Variants in LYRM4 observed in about 807,000 individuals in gnomAD.
The protein encoded by LYRM4 is LYR motif containing 4.
Under a neutral mutation model 11.7 loss-of-function variants are expected in LYRM4, and 9 were observed. The observed-to-expected ratio is 0.77, with a 90% CI of 0.46 to 1.34. The LOEUF (loss-of-function observed/expected upper bound fraction) is 1.34, where lower values mean the gene tolerates loss of function less well. Ranked by LOEUF, LYRM4 falls within the 40% of genes most tolerant of loss-of-function variation. The pLI, the probability that LYRM4 is intolerant of heterozygous loss-of-function variation, is 0.00. For synonymous variants in LYRM4, 42 were observed against 40.4 expected (o/e 1.04, Z -0.15); for missense variants, 133 against 112.5 (o/e 1.18, Z -0.82).
At chr6:5,184,939 G>GGGTCA (rs766312000) in intron 2 of LYRM4, among the ~76,000 whole-genome samples, 8 of 152,194 alleles carry the variant, frequency 5.3e-5, no homozygotes, top group Non-Finnish European at 1.0e-4. Flanking sequence ...CCCAAGCACA[G>GGGTCA]GGTCAGGGTC....
At chr6:5,077,913 C>T in the LYRM4 span, among the ~76,000 whole-genome samples, 3 of 152,272 alleles carry the variant, frequency 2.0e-5, no homozygotes, top group Admixed American at 1.3e-4. Flanking sequence ...GATGATTCTA[C>T]AACTTTCCTC....
At chr6:5,162,967 C>T (rs561776388) in intron 2 of LYRM4, among the ~76,000 whole-genome samples, 15 of 152,118 alleles carry the variant, frequency 9.9e-5, no homozygotes, top group African/African-American at 2.7e-4. Context: ...TTAAAAAAAT[C>T]GATTTGTAGG....
intron 1 of LYRM4, among the ~76,000 whole-genome samples, chr6:5,224,085 C>A (rs1049675827): frequency 1.3e-5 from 2 of 152,362 alleles, no homozygotes; most frequent in South Asian, 2.1e-4. Context: ...TATTTCTCCA[C>A]ACATGGAGCG....
At chr6:5,186,277 A>G (rs1760385898) in intron 2 of LYRM4, among the ~76,000 whole-genome samples, 1 of 152,120 alleles carries the variant, frequency 6.6e-6, no homozygotes, top group South Asian at 2.1e-4. Flanking sequence ...GGTTTAGGAG[A>G]GCAGACAGCT....
intron 1 of LYRM4, among the ~76,000 whole-genome samples, chr6:5,229,424 T>C (rs1268174494): frequency 6.6e-6 from 1 of 152,182 alleles, no homozygotes; most frequent in Non-Finnish European, 1.5e-5. Flanking sequence ...GGCAGACGTC[T>C]GATTACATCC....
chr6:5,093,074 T>C, the LYRM4 span, among the ~76,000 whole-genome samples: 4 of 152,194 alleles, frequency 2.6e-5, no homozygotes, highest in African/African-American at 9.7e-5. Context: ...AATAACTTAG[T>C]ACACATTTAG....
In LYRM4 at chr6:5,245,098, A is replaced by T. The variant is rs1423307158; in HGVS notation, c.86+15550T>A. Among the ~76,000 whole-genome samples the T allele has an allele frequency of 4.8e-3, 206 of 43,244 alleles. 19 individuals are homozygous for T. The highest frequency in any genetic ancestry group is 0.011 in the African/African-American group (108 of 9,624). The allele number at this position is 43,244 out of a possible 152,430, so 28.4% of individuals were successfully genotyped here. A position where few individuals can be genotyped will look rare whatever the true frequency, so the allele number is the denominator to read the frequency against. Reference sequence around the variant, plus strand: ...ATTTGCAGGAAGACCTTAAAAAAAAAAAAAAAAAAAAAAAAATATATATAT... The same window carrying T: ...ATTTGCAGGAAGACCTTAAAAAAAATAAAAAAAAAAAAAAAATATATATAT... On this transcript the variant is annotated intron_variant, in intron 1 of 2. Coordinates refer to ENST00000330636, the MANE Select transcript of LYRM4 (RefSeq NM_020408.6).
intron 2 of LYRM4, among the ~76,000 whole-genome samples, chr6:5,121,399 G>A (rs1763450375): frequency 6.6e-6 from 1 of 152,152 alleles, no homozygotes. Flanking sequence ...TCAGGGTGGG[G>A]AAGACAGTTA....
At chr6:5,198,904 C>A (rs1242532028) in intron 2 of LYRM4, among the ~76,000 whole-genome samples, 4 of 152,104 alleles carry the variant, frequency 2.6e-5, no homozygotes, top group Non-Finnish European at 5.9e-5. Context: ...CAGAAAAAAA[C>A]AAGTGTTTAC....
intron 2 of LYRM4, among the ~76,000 whole-genome samples, chr6:5,164,402 C>A (rs1303562144): frequency 6.6e-6 from 1 of 152,200 alleles, no homozygotes; most frequent in African/African-American, 2.4e-5. Flanking sequence ...GAACTGTCCA[C>A]ATCTACATGC....
At chr6:5,176,637 T>C (rs960806602) in intron 2 of LYRM4, among the ~76,000 whole-genome samples, 1 of 152,238 alleles carries the variant, frequency 6.6e-6, no homozygotes, top group Non-Finnish European at 1.5e-5. Context: ...AAATAAGTCT[T>C]GGCTGTTACT....
the LYRM4 span, among the ~76,000 whole-genome samples, chr6:5,078,315 C>G: frequency 1.3e-5 from 2 of 151,500 alleles, no homozygotes; most frequent in African/African-American, 4.9e-5. Flanking sequence ...GGGGCTCAGA[C>G]AGTGGACTGT....
In LYRM4 at chr6:5,248,045, C is replaced by A. The variant is rs188938248; in HGVS notation, c.86+12603G>T. On this transcript the variant is annotated intron_variant, in intron 1 of 2. Coordinates refer to ENST00000330636, the MANE Select transcript of LYRM4 (RefSeq NM_020408.6). ...ATCATGCCTGCAATGTCCAGATGCT[C>A]TCAGGAAGTGATACTGTACACAAAG... is the stretch of plus-strand genomic sequence containing the variant. 7.0e-4 allele frequency among the ~76,000 whole-genome samples: 106 copies of A among 152,306 alleles called. 1 individual carries two copies. The highest frequency in any genetic ancestry group is 2.4e-3 in the African/African-American group (99 of 41,562).
chr6:5,103,184 T>C (rs1036266085), downstream of LYRM4: 4 of 152,224 alleles, frequency 2.6e-5, no homozygotes, highest in African/African-American at 9.6e-5. Flanking sequence ...GCCATTGCTT[T>C]CTCCATCAAG....
intron 2 of LYRM4, among the ~76,000 whole-genome samples, chr6:5,184,501 G>T (rs1486575783): frequency 6.6e-6 from 1 of 151,912 alleles, no homozygotes; most frequent in Admixed American, 6.6e-5. Context: ...TAAAACCACA[G>T]GAAAACAAAA....
intron 1 of LYRM4, chr6:5,240,678 A>T (rs1763824843): frequency 6.6e-6 from 1 of 152,264 alleles, no homozygotes; most frequent in Admixed American, 6.5e-5. Context: ...GTAGTATCCA[A>T]TGTAGGTCCC....
chr6:5,091,110 C>T, the LYRM4 span, among the ~76,000 whole-genome samples: 5 of 152,306 alleles, frequency 3.3e-5, no homozygotes, highest in East Asian at 1.9e-4. Flanking sequence ...ACTGGCAACA[C>T]GGATTATTTG....
the LYRM4 span, among the ~76,000 whole-genome samples, chr6:5,092,818 G>T: frequency 1.3e-5 from 2 of 152,200 alleles, no homozygotes; most frequent in African/African-American, 4.8e-5. Context: ...TCGTGTTTAT[G>T]TGCACAGACT....
At chr6:5,224,743 T>C (rs1042653857) in intron 1 of LYRM4, among the ~76,000 whole-genome samples, 8 of 152,152 alleles carry the variant, frequency 5.3e-5, no homozygotes, top group South Asian at 2.1e-4. Context: ...GTGGATCACC[T>C]GAGGTCAGGA....
Sources: gnomAD v4.1 joint callset for allele counts (sites outside exome capture counted in the v4.1 genomes callset) on GRCh38, gnomAD v4.1.1 for gene constraint, MANE v1.5 for transcripts, NCBI Gene and HGNC (gene_info 2026-07-23, HGNC 2026-07-21) for gene names.